RFC3: variants seen among roughly 807,000 people sequenced by gnomAD.
The protein encoded by RFC3 is A1 38 kDa subunit.
A neutral mutation model predicts 45.1 loss-of-function variants in RFC3; 41 were observed. That is an observed-to-expected ratio of 0.91 (90% CI 0.71 to 1.18). The LOEUF is 1.18. RFC3 is among the 50% of genes most tolerant of loss of function. The pLI is 0.00. For synonymous variants in RFC3, 149 were observed against 144.0 expected, an observed-to-expected ratio of 1.03 and a Z score of -0.25; for missense variants, 423 against 428.1, an observed-to-expected ratio of 0.99 and a Z score of 0.10.
At chr13:33,876,902 T>A (rs1202229479) in intron 8 of RFC3, among the ~76,000 whole-genome samples, 1 of 152,252 alleles carries the variant, frequency 6.6e-6, no homozygotes, top group Non-Finnish European at 1.5e-5. Context: ...TCTGTTCAGA[T>A]GATAAACCAG....
chr13:33,821,420 T>G (rs1434553276), intron 2 of RFC3, 151 bp downstream of exon 2: 2 of 749,124 alleles, frequency 2.7e-6, no homozygotes, highest in East Asian at 5.3e-5. Context: ...TGAGAGCTAC[T>G]GATATGGATC....
At chr13:33,841,388 G>A (rs2082197426), downstream of RFC3, among the ~76,000 whole-genome samples, 1 of 152,176 alleles carries the variant, frequency 6.6e-6, no homozygotes, top group Non-Finnish European at 1.5e-5. Context: ...CTTAAGTGTT[G>A]TATTCATTTA....
intron 8 of RFC3, among the ~76,000 whole-genome samples, chr13:33,949,681 G>C (rs947745350): frequency 6.6e-6 from 1 of 151,936 alleles, no homozygotes; most frequent in Admixed American, 6.5e-5. Context: ...CCAAATATTT[G>C]GTCAAATATT....
At chr13:33,922,142 C>A (rs1292271209) in intron 8 of RFC3, among the ~76,000 whole-genome samples, 1 of 140,686 alleles carries the variant, frequency 7.1e-6, no homozygotes, top group Non-Finnish European at 1.5e-5. Context: ...GAAGCCTCAG[C>A]TTCATTGCTT....
intron 8 of RFC3, among the ~76,000 whole-genome samples, chr13:33,876,716 G>A (rs1281706594): frequency 3.3e-5 from 5 of 152,190 alleles, no homozygotes; most frequent in Non-Finnish European, 7.3e-5. Flanking sequence ...GAACGAGCAT[G>A]GGATTATAAA....
chr13:33,917,737 A>G (rs1167591536), intron 8 of RFC3, among the ~76,000 whole-genome samples: 1 of 152,098 alleles, frequency 6.6e-6, no homozygotes, highest in East Asian at 1.9e-4. Flanking sequence ...CTTTCCTGAT[A>G]ACACTCTGTA....
chr13:33,927,044 T>A (rs1815027956), intron 8 of RFC3, among the ~76,000 whole-genome samples: 2 of 151,984 alleles, frequency 1.3e-5, no homozygotes, highest in South Asian at 4.1e-4. Context: ...AGATTATATA[T>A]CATATCAATA....
chr13:33,825,821 A>G lies in RFC3; in HGVS notation c.326A>G (p.Gln109Arg). 1 of 1,605,178 alleles carries G rather than the reference A, an allele frequency of 6.2e-7. No individual in the cohort carries two copies. ...GGAAATAGTGACCGAGTAGTCATTC[A>G]GGAGATGTTGAAAACAGTGGCACAA... ...DAGNSDRVVI[Q>R]EMLKTVAQSQ... The change falls in exon 4 of 9, where the codon CAG (glutamine) becomes CGG (arginine). Residue 109 changes from glutamine (Q) to arginine (R), a missense_variant. Gln to Arg is a conservative substitution (Grantham distance 43). Coordinates refer to ENST00000380071, the MANE Select transcript of RFC3 (RefSeq NM_002915.4).
chr13:33,937,550 C>G (rs1489749467), intron 8 of RFC3, among the ~76,000 whole-genome samples: 2 of 152,138 alleles, frequency 1.3e-5, no homozygotes, highest in Non-Finnish European at 2.9e-5. Context: ...AAGTCTGAGA[C>G]TAAAGCCTCT....
At chr13:33,876,656 T>C (rs1176451773) in intron 8 of RFC3, among the ~76,000 whole-genome samples, 1 of 151,388 alleles carries the variant, frequency 6.6e-6, no homozygotes, top group Admixed American at 6.6e-5. Context: ...TTCTAACACA[T>C]GAGAAGGTAT....
chr13:33,957,932 A>C (rs545139600), intron 8 of RFC3, among the ~76,000 whole-genome samples: 1 of 152,280 alleles, frequency 6.6e-6, no homozygotes, highest in East Asian at 1.9e-4. Context: ...GCTGTAGGAA[A>C]TTAGGAATAC....
intron 8 of RFC3, among the ~76,000 whole-genome samples, chr13:33,894,038 G>A (rs1340006169): frequency 6.6e-6 from 1 of 152,176 alleles, no homozygotes; most frequent in African/African-American, 2.4e-5. Context: ...TTGCTAGTAT[G>A]TCTCTTCCAC....
intron 8 of RFC3, among the ~76,000 whole-genome samples, chr13:33,861,978 G>T (rs140027365): frequency 6.6e-6 from 1 of 152,164 alleles, no homozygotes; most frequent in African/African-American, 2.4e-5. Flanking sequence ...AAAGTTGCCT[G>T]TGAAAATATG....
At chr13:33,846,827 TAC>T (rs1201932724) in intron 8 of RFC3, 1 of 152,330 alleles carries the variant, frequency 6.6e-6, no homozygotes, top group Non-Finnish European at 1.5e-5. Context: ...CTGGTCTAAA[TAC>T]TCTCTCTGTG....
At chr13:33,839,752 C>T (rs571619853), downstream of RFC3, among the ~76,000 whole-genome samples, 20 of 152,114 alleles carry the variant, frequency 1.3e-4, no homozygotes, top group East Asian at 2.3e-3. Flanking sequence ...TTTTAAAGCC[C>T]GAAAAAGTTT....
At chr13:33,905,207 T>C (rs1426433286) in intron 8 of RFC3, among the ~76,000 whole-genome samples, 4 of 148,880 alleles carry the variant, frequency 2.7e-5, no homozygotes. Context: ...TGTAGTTGTC[T>C]TTACAACTAC....
At chr13:33,853,378 A>G (rs2082288867) in intron 8 of RFC3, among the ~76,000 whole-genome samples, 1 of 152,200 alleles carries the variant, frequency 6.6e-6, no homozygotes, top group African/African-American at 2.4e-5. Context: ...AGAAATTGCT[A>G]TCCCCTTGAG....
intron 8 of RFC3, among the ~76,000 whole-genome samples, chr13:33,881,332 G>A (rs1003343373): frequency 2.0e-5 from 3 of 152,140 alleles, no homozygotes; most frequent in Non-Finnish European, 4.4e-5. Context: ...ATATTCATTC[G>A]TTAGTTCAGC....
intron 8 of RFC3, among the ~76,000 whole-genome samples, chr13:33,904,690 A>T (rs2082661481): frequency 6.6e-6 from 1 of 151,968 alleles, no homozygotes; most frequent in African/African-American, 2.4e-5. Context: ...GCCCTTCCAC[A>T]ATCTGGCCTT....
Sources: gnomAD v4.1 joint callset for allele counts (sites outside exome capture counted in the v4.1 genomes callset) on GRCh38, gnomAD v4.1.1 for gene constraint, MANE v1.5 for transcripts, NCBI Gene and HGNC (gene_info 2026-07-23, HGNC 2026-07-21) for gene names.